The following LGSN variants were observed in gnomAD, a reference collection of about 807,000 sequenced individuals.
The protein encoded by LGSN is lengsin, lens protein with glutamine synthetase domain, also known as lengsin.
LGSN carries 21 observed loss-of-function variants against 19.5 expected under a neutral mutation model. The observed-to-expected ratio is 1.07, with a 90% CI of 0.76 to 1.55. LGSN has a LOEUF of 1.55. LGSN is among the 40% of genes most tolerant of loss of function. The pLI is 0.00. For synonymous variants in LGSN, 257 were observed against 215.6 expected (o/e 1.19, Z -1.68); for missense variants, 673 against 608.5 (o/e 1.11, Z -1.12).
At chr6:63,546,433 C>G in the LGSN span, among the ~76,000 whole-genome samples, 1 of 152,064 alleles carries the variant, frequency 6.6e-6, no homozygotes, top group African/African-American at 2.4e-5. Flanking sequence ...TGGCCGGGTG[C>G]GGTGGCTCAC....
the LGSN span, among the ~76,000 whole-genome samples, chr6:63,498,705 T>C: frequency 2.6e-5 from 4 of 152,140 alleles, no homozygotes; most frequent in Non-Finnish European, 5.9e-5. Context: ...CCTGTTACAT[T>C]GTTCTGTCGG....
intron 1 of LGSN, among the ~76,000 whole-genome samples, chr6:63,302,684 A>C (rs1768230649): frequency 6.6e-6 from 1 of 152,226 alleles, no homozygotes; most frequent in Non-Finnish European, 1.5e-5. Flanking sequence ...TGCCTACAAT[A>C]ACCCATTTGA....
the LGSN span, among the ~76,000 whole-genome samples, chr6:63,463,624 C>G: frequency 1.3e-5 from 2 of 152,118 alleles, no homozygotes; most frequent in Non-Finnish European, 2.9e-5. Flanking sequence ...TGTAAGAACT[C>G]TGGCATATTT....
At chr6:63,565,927 T>C in the LGSN span, among the ~76,000 whole-genome samples, 6 of 152,228 alleles carry the variant, frequency 3.9e-5, no homozygotes, top group Non-Finnish European at 2.9e-5. Flanking sequence ...TATATGTTCA[T>C]AGAGATTTAA....
rs1483159073 is a variant in LGSN at position 63,281,027 on chromosome 6, A to T, written c.524T>A (p.Val175Glu). 6.2e-7 allele frequency: 1 copy of T among 1,614,110 alleles called. No homozygotes were observed. ...TARVICDTFT[V>E]TGEPLLTSPR... ...GGAAGTCAAAAGAGGCTCACCAGTC[A>T]CAGTGAAGGTATCACATATCACTCT... Residue 175 changes from valine (V) to glutamate (E), a missense_variant, in exon 4 of 4, where the codon GTG becomes GAG. Physicochemically the swap from Val to Glu is moderately radical, Grantham distance 121. Transcript: ENST00000370657.
the LGSN span, among the ~76,000 whole-genome samples, chr6:63,541,430 A>G: frequency 1.3e-5 from 2 of 151,948 alleles, no homozygotes; most frequent in Non-Finnish European, 2.9e-5. Context: ...GCAGGTGCCT[A>G]TAATTCCAGC....
chr6:63,293,806 G>A (rs1351424160), intron 2 of LGSN: 1 of 456,104 alleles, frequency 2.2e-6, no homozygotes, highest in Non-Finnish European at 4.4e-6. Flanking sequence ...CCCATGATAG[G>A]TTTGCTTGTG....
the LGSN span, among the ~76,000 whole-genome samples, chr6:63,556,251 G>A: frequency 2.8e-4 from 42 of 151,340 alleles, no homozygotes; most frequent in African/African-American, 4.4e-4. Flanking sequence ...CTCTTCCTCC[G>A]AGGCTCCAGG....
At chr6:63,304,785 G>A (rs746788082) in intron 1 of LGSN, among the ~76,000 whole-genome samples, 1 of 152,112 alleles carries the variant, frequency 6.6e-6, no homozygotes, top group Non-Finnish European at 1.5e-5. Context: ...TTAAATGTTT[G>A]CAGACAGCCA....
chr6:63,345,352 T>C, the LGSN span, among the ~76,000 whole-genome samples: 447 of 152,316 alleles, frequency 2.9e-3, 3 homozygotes, highest in African/African-American at 0.01. Context: ...TCAGCTAAGA[T>C]TGGGTTCATT....
the LGSN span, among the ~76,000 whole-genome samples, chr6:63,505,617 G>GAAATAAATAAATAAATAAATAAAT: frequency 9.7e-6 from 1 of 103,302 alleles, no homozygotes; most frequent in African/African-American, 3.3e-5. Context: ...AAGAAAGAAA[G>GAAATAAATAAATAAATAAATAAAT]AAAGAAAGAA....
chr6:63,325,806 G>C, the LGSN span, among the ~76,000 whole-genome samples: 1 of 152,124 alleles, frequency 6.6e-6, no homozygotes, highest in Non-Finnish European at 1.5e-5. Flanking sequence ...GAGTTTTACA[G>C]CTCATAAAAG....
the LGSN span, among the ~76,000 whole-genome samples, chr6:63,482,460 A>G: frequency 2.0e-5 from 3 of 152,196 alleles, no homozygotes; most frequent in African/African-American, 7.2e-5. Flanking sequence ...CAGGCACAGT[A>G]GCTCACGCCT....
chr6:63,516,158 C>T, the LGSN span, among the ~76,000 whole-genome samples: 1 of 152,230 alleles, frequency 6.6e-6, no homozygotes, highest in South Asian at 2.1e-4. Flanking sequence ...CCTGTTGCAA[C>T]CCTAAGCAAG....
At chr6:63,281,378 T>G (rs2127381389) in intron 3 of LGSN, among the ~76,000 whole-genome samples, 158 bp from the exon 4 acceptor site, 1 of 145,548 alleles carries the variant, frequency 6.9e-6, no homozygotes, top group African/African-American at 2.5e-5. Context: ...AACACTAACT[T>G]GATATCAGAT....
At chr6:63,352,626 A>C in the LGSN span, among the ~76,000 whole-genome samples, 1 of 148,946 alleles carries the variant, frequency 6.7e-6, no homozygotes, top group Admixed American at 6.7e-5. Flanking sequence ...ACACCACCGC[A>C]CTCCAGTCTG....
chr6:63,345,647 T>G, the LGSN span, among the ~76,000 whole-genome samples: 2 of 152,200 alleles, frequency 1.3e-5, no homozygotes, highest in Non-Finnish European at 2.9e-5. Context: ...AGGAAAGCCC[T>G]GTTAGGTGGT....
chr6:63,289,494 T>C (rs1050739103), intron 2 of LGSN, among the ~76,000 whole-genome samples: 1 of 151,876 alleles, frequency 6.6e-6, no homozygotes, highest in Non-Finnish European at 1.5e-5. Context: ...GCTCATTTGT[T>C]TTTCCTACAG....
At chr6:63,542,519 C>T in the LGSN span, among the ~76,000 whole-genome samples, 9 of 152,128 alleles carry the variant, frequency 5.9e-5, no homozygotes, top group Non-Finnish European at 1.0e-4. Flanking sequence ...TTTCAAGAGT[C>T]CAACCTCTCC....
Sources: allele counts gnomAD v4.1 joint callset (sites outside exome capture counted in the v4.1 genomes callset), GRCh38; gene constraint gnomAD v4.1.1; transcripts MANE v1.5; gene names NCBI Gene and HGNC (gene_info 2026-07-23, HGNC 2026-07-21).